HTRA4: variants seen among roughly 807,000 people sequenced by gnomAD.
The protein encoded by HTRA4 is HtrA serine peptidase 4.
Under a neutral mutation model 49.1 loss-of-function variants are expected in HTRA4, and 46 were observed. The observed-to-expected ratio is 0.94, with a 90% CI of 0.74 to 1.20. HTRA4 has a LOEUF of 1.20. Among genes scored for constraint, HTRA4 ranks in the 50% most tolerant of loss-of-function variants. The probability of loss-of-function intolerance (pLI) is 0.00; values close to 1 mark genes in which losing one functional copy is unlikely to be tolerated. For synonymous variants in HTRA4, 261 were observed against 264.0 expected (o/e 0.99, Z 0.11); for missense variants, 602 against 636.9 (o/e 0.95, Z 0.59).
In HTRA4 at chr8:38,974,559, G is replaced by A. The variant is rs1588288957; in HGVS notation, c.296G>A (p.Arg99His). Residue 99 changes from arginine to histidine, a missense_variant, in exon 1 of 9, where the codon CGC becomes CAC. Physicochemically the swap from Arg to His is conservative, Grantham distance 29 (BLOSUM62 0). Coordinates refer to ENST00000302495, the MANE Select transcript of HTRA4 (RefSeq NM_153692.4). ...APGLQCLQPL[R>H]PGFPSTCGCP... ...GGGCTGCAGTGCCTCCAGCCGCTGC[G>A]CCCCGGGTTCCCCAGCACCTGCGGT... is the stretch of plus-strand genomic sequence containing the variant. 1.4e-6 allele frequency: 2 copies of A among 1,403,952 alleles called. No individual in the cohort carries two copies. The highest frequency in any genetic ancestry group is 1.5e-5 in the South Asian group (1 of 64,606). The allele number at this position is 1,403,952 out of a possible 1,614,324, so 87.0% of individuals were successfully genotyped here.
At chr8:38,980,005 C>T (rs557532765) in intron 5 of HTRA4, among the ~76,000 whole-genome samples, 1 of 152,310 alleles carries the variant, frequency 6.6e-6, no homozygotes, top group African/African-American at 2.4e-5. Context: ...AGAGAAAAGC[C>T]ACAACCAGCA....
rs1564178977 is a variant in HTRA4, at chr8:38,981,075, T to TTTTTTTG, written c.1000-572_1000-571insGTTTTTT. ...AAAATGAGCTTAAGTTTTTTTTTTTTTTTTTTTTTTTTTTTTTTTTTTGAG... is the reference window on the plus strand; with the variant it reads ...AAAATGAGCTTAAGTTTTTTTTTTTTTTTTTTGTTTTTTTTTTTTTTTTTTTTTTGAG... On this transcript the variant is annotated intron_variant, in intron 5 of 8. Coordinates refer to ENST00000302495, the MANE Select transcript of HTRA4 (RefSeq NM_153692.4). Among the ~76,000 whole-genome samples, 394 of 102,158 alleles carry TTTTTTTG rather than the reference T, an allele frequency of 3.9e-3. 32 individuals carry two copies. Among genetic ancestry groups the TTTTTTTG allele is most frequent in the East Asian group, 5.0e-3 (20 of 3,968 alleles). 67.0% of individuals were successfully genotyped at this position (102,158 alleles called of 152,430 possible). A position where few individuals can be genotyped will look rare whatever the true frequency, so the allele number is the denominator to read the frequency against.
chr8:38,975,191 C>A, intron 2 of HTRA4, 61 bp downstream of exon 2: 2 of 1,505,274 alleles, frequency 1.3e-6, no homozygotes, highest in Non-Finnish European at 1.8e-6. Flanking sequence ...TGCCTACCTG[C>A]TCCAGACCCT....
At chr8:38,976,897 T>C (rs994047214) in intron 3 of HTRA4, among the ~76,000 whole-genome samples, 158 bp downstream of exon 3, 1 of 152,186 alleles carries the variant, frequency 6.6e-6, no homozygotes, top group African/African-American at 2.4e-5. Context: ...TTTTATTTAT[T>C]TGCTTCAACG....
intron 8 of HTRA4, among the ~76,000 whole-genome samples, chr8:38,984,863 C>T (rs899633600): frequency 1.3e-5 from 2 of 152,168 alleles, no homozygotes; most frequent in East Asian, 3.8e-4. Context: ...CTGTAATGAG[C>T]TGTGCTCATG....
chr8:38,975,629 C>T (rs914407826), intron 2 of HTRA4, among the ~76,000 whole-genome samples: 4 of 152,100 alleles, frequency 2.6e-5, no homozygotes, highest in South Asian at 2.1e-4. Context: ...AGGCTGGTCT[C>T]GAACTCCTGG....
In HTRA4 at chr8:38,987,975, T is replaced by C. The variant is rs778195964; in HGVS notation, c.1308T>C (p.Asn436=). 15 of 1,606,956 alleles carry C rather than the reference T, an allele frequency of 9.3e-6. No homozygotes were observed. Among genetic ancestry groups the C allele is most frequent in the African/African-American group, 1.3e-5 (1 of 74,534 alleles). The change falls in exon 9 of 9, where the codon AAT becomes AAC. Residue 436 remains asparagine, a synonymous_variant. Coordinates refer to ENST00000302495, the MANE Select transcript of HTRA4 (RefSeq NM_153692.4). ...ATCACGATGTAATTGTCAACATAAA[T>C]GGGAAACCTATTACTACTACAACTG... The part of the protein sequence containing the change: ...LRDHDVIVNI[N]GKPITTTTDV...
At chr8:38,984,707 C>G (rs1336770402) in intron 8 of HTRA4, among the ~76,000 whole-genome samples, 1 of 152,026 alleles carries the variant, frequency 6.6e-6, no homozygotes, top group African/African-American at 2.4e-5. Context: ...TGGGATCACG[C>G]CCCTGTACTC....
chr8:38,974,806 C>T, intron 1 of HTRA4, 77 bp downstream of exon 1: 4 of 1,335,720 alleles, frequency 3.0e-6, no homozygotes, highest in Non-Finnish European at 4.0e-6. Context: ...CTCACTGAGA[C>T]CGCACAGTTC....
intron 5 of HTRA4, among the ~76,000 whole-genome samples, chr8:38,981,431 A>C (rs893142477): frequency 1.3e-5 from 2 of 152,060 alleles, no homozygotes; most frequent in Non-Finnish European, 2.9e-5. Flanking sequence ...TTGGCCATGA[A>C]AAGAAGGTAA....
At chr8:38,984,148 C>A (rs1056902268) in intron 8 of HTRA4, among the ~76,000 whole-genome samples, 8 of 151,862 alleles carry the variant, frequency 5.3e-5, no homozygotes, top group Admixed American at 4.6e-4. Flanking sequence ...TTACAGGCAC[C>A]CGCCACCACG....
Position 38,981,783 on chromosome 8 carries a change from A to AT in HTRA4, c.1114+29dup, listed in dbSNP as rs749374360. 0.052 allele frequency: 63,105 copies of AT among 1,207,398 alleles called. 19 individuals are homozygous for AT. The highest frequency in any genetic ancestry group is 0.056 in the Non-Finnish European group (48,779 of 870,170). The allele number at this position is 1,207,398 out of a possible 1,614,324, so 74.8% of individuals were successfully genotyped here. ...CAGATGAAAGGTAAAGCAAGTTGGG[A>AT]TTTTTTTTTTTTTGGTTTCGTCTTG... On this transcript the variant is annotated intron_variant, in intron 6 of 8. Transcript: ENST00000302495.
At chr8:38,980,934 T>C (rs1426668861) in intron 5 of HTRA4, among the ~76,000 whole-genome samples, 1 of 152,136 alleles carries the variant, frequency 6.6e-6, no homozygotes, top group Admixed American at 6.5e-5. Context: ...TTTTACCTTT[T>C]CCATGTTTAT....
intron 1 of HTRA4, 89 bp downstream of exon 1, chr8:38,974,818 C>T: frequency 1.6e-6 from 2 of 1,285,186 alleles, no homozygotes; most frequent in Non-Finnish European, 2.1e-6. Flanking sequence ...GCACAGTTCG[C>T]GCCTGGTCCT....
intron 4 of HTRA4, among the ~76,000 whole-genome samples, chr8:38,978,531 C>T (rs187823756): frequency 6.6e-6 from 1 of 152,284 alleles, no homozygotes; most frequent in Non-Finnish European, 1.5e-5. Context: ...ACAATATTGG[C>T]AGTTCAGTGA....
intron 8 of HTRA4, among the ~76,000 whole-genome samples, chr8:38,985,162 T>TTTC (rs72253650): frequency 0.024 from 1,249 of 53,036 alleles, 16 homozygotes; most frequent in Middle Eastern, 0.12. Flanking sequence ...GTTGTACTTC[T>TTTC]TTTTTTTTTT....
At position 38,983,020 on chromosome 8, in the gene HTRA4, A is replaced by G; in HGVS notation, c.1240A>G (p.Lys414Glu). ...PDVSSGVYVC[K>E]VVEGTAAQSS... ...TGTGAGTTCTGGGGTTTATGTATGT[A>G]AAGTGGTTGAAGGAACAGCTGCTCA... is the stretch of plus-strand genomic sequence containing the variant. Residue 414 changes from lysine to glutamate, a missense_variant, in exon 8 of 9, where the codon AAA becomes GAA. Lys to Glu is a moderately conservative substitution (Grantham distance 56). Transcript: ENST00000302495. 1 of 1,613,648 alleles carries G rather than the reference A, an allele frequency of 6.2e-7. No homozygotes were observed.
At chr8:38,983,221 A>G (rs1337038316) in intron 8 of HTRA4, among the ~76,000 whole-genome samples, 173 bp downstream of exon 8, 8 of 152,204 alleles carry the variant, frequency 5.3e-5, no homozygotes, top group Non-Finnish European at 8.8e-5. Flanking sequence ...TGAATTTTGA[A>G]TTAAAGTAAG....
intron 5 of HTRA4, among the ~76,000 whole-genome samples, chr8:38,980,146 T>C (rs972959638): frequency 3.3e-5 from 5 of 152,210 alleles, no homozygotes; most frequent in Non-Finnish European, 7.3e-5. Flanking sequence ...TGTGAAAACC[T>C]AAGAGAGTGC....
Sources: gnomAD v4.1 joint callset for allele counts (sites outside exome capture counted in the v4.1 genomes callset) on GRCh38, gnomAD v4.1.1 for gene constraint, MANE v1.5 for transcripts, NCBI Gene and HGNC (gene_info 2026-07-23, HGNC 2026-07-21) for gene names.